Variants in NUP160 observed in about 807,000 individuals in gnomAD.
The protein encoded by NUP160 is nucleoporin 160.
Under a neutral mutation model 196.9 loss-of-function variants are expected in NUP160, and 94 were observed. That is an observed-to-expected ratio of 0.48 (90% CI 0.40 to 0.57). The LOEUF (loss-of-function observed/expected upper bound fraction) is 0.57, where lower values mean the gene tolerates loss of function less well. NUP160 is among the 20% of genes least tolerant of loss of function. NUP160 has a pLI of 0.00. For missense variants in NUP160, 1,638 were observed against 1,748.3 expected, an observed-to-expected ratio of 0.94 and a Z score of 1.13; for synonymous variants, 605 against 619.7, an observed-to-expected ratio of 0.98 and a Z score of 0.35.
chr11:47,848,523 A>C (rs1852455888), upstream of NUP160: 2 of 914,516 alleles, frequency 2.2e-6, no homozygotes, highest in Non-Finnish European at 3.2e-6. Context: ...CAGGGGAGGC[A>C]GACTCTATCT....
At chr11:47,790,008 CG>C (rs1565188297) in intron 29 of NUP160, among the ~76,000 whole-genome samples, 1 of 150,332 alleles carries the variant, frequency 6.7e-6, no homozygotes, top group Non-Finnish European at 1.5e-5. Flanking sequence ...TGCAATGGCG[CG>C]ATCTCGGCTC....
intron 7 of NUP160, among the ~76,000 whole-genome samples, chr11:47,835,174 G>C (rs1852149395): frequency 6.6e-6 from 1 of 152,138 alleles, no homozygotes; most frequent in African/African-American, 2.4e-5. Flanking sequence ...CACAATCCCA[G>C]TGTCTGCTAT....
At chr11:47,813,186 T>C (rs898804037) in intron 14 of NUP160, 130 bp downstream of exon 14, 23 of 969,442 alleles carry the variant, frequency 2.4e-5, no homozygotes, top group Middle Eastern at 2.2e-4. Flanking sequence ...TAAGTGTTCA[T>C]TAAAATATTT....
exon 25 of NUP160, chr11:47,798,254 T>C (rs536423734): frequency 6.2e-7 from 1 of 1,606,054 alleles, no homozygotes; most frequent in South Asian, 1.1e-5. Context: ...TACATGTCCT[T>C]AGAGTAGCCT....
At chr11:47,806,088 A>C in intron 20 of NUP160, 65 bp downstream of exon 20, 2 of 1,476,546 alleles carry the variant, frequency 1.4e-6, no homozygotes, top group South Asian at 2.3e-5. Flanking sequence ...TGCTGGGATT[A>C]CAGGTGTGAG....
chr11:47,820,504 T>A (rs915152477), intron 9 of NUP160, among the ~76,000 whole-genome samples: 1 of 152,098 alleles, frequency 6.6e-6, no homozygotes, highest in Non-Finnish European at 1.5e-5. Context: ...CTCAGTCTAA[T>A]AGGGTGCATC....
At chr11:47,845,704 T>C (rs957042965) in intron 2 of NUP160, among the ~76,000 whole-genome samples, 1 of 152,212 alleles carries the variant, frequency 6.6e-6, no homozygotes, top group African/African-American at 2.4e-5. Flanking sequence ...ATTTTCTTTC[T>C]TTCTTCCTGT....
At chr11:47,831,816 C>T (rs1294775535) in intron 7 of NUP160, among the ~76,000 whole-genome samples, 4 of 125,542 alleles carry the variant, frequency 3.2e-5, no homozygotes, top group African/African-American at 1.2e-4. Context: ...GTATTCCAGC[C>T]TTAGTGACAA....
At chr11:47,826,869 C>G (rs536866491) in intron 7 of NUP160, among the ~76,000 whole-genome samples, 14 of 152,128 alleles carry the variant, frequency 9.2e-5, no homozygotes, top group South Asian at 8.3e-4. Context: ...AGCCCCAAAC[C>G]CTTTGCATAA....
Position 47,780,454 on chromosome 11 carries a change from G to T in NUP160, c.4117-7C>A. 1 of 1,589,994 alleles carries T rather than the reference G, an allele frequency of 6.3e-7. No homozygotes were observed. The highest frequency in any genetic ancestry group is 1.7e-5 in the Admixed American group (1 of 59,886). ...CTGTTGCGGACAGTGGAAACTAAAA[G>T]GAAAATGTTTATTTGAAAACAGTCT... On this transcript the variant is annotated splice_region_variant and splice_polypyrimidine_tract_variant and intron_variant, in intron 34 of 35. Transcript: ENST00000378460.
chr11:47,804,691 A>AG lies in NUP160; in HGVS notation c.2607-74dup, dbSNP rs2097676448. On this transcript the variant is annotated intron_variant, in intron 20 of 35. Coordinates refer to ENST00000378460, the Ensembl canonical transcript of NUP160. Reference sequence around the variant, plus strand: ...AACATATACATTGGGCATCAAATTCAGAAAAGTCCATAAAATAGCTTAATT... The same window carrying AG: ...AACATATACATTGGGCATCAAATTCAGGAAAAGTCCATAAAATAGCTTAATT... 25 of 997,874 alleles carry AG rather than the reference A, an allele frequency of 2.5e-5. No homozygotes were observed. In the South Asian group the frequency reaches 4.4e-4, roughly 18 times the overall value. 61.8% of individuals were successfully genotyped at this position (997,874 alleles called of 1,614,324 possible). A position where few individuals can be genotyped will look rare whatever the true frequency, so the allele number is the denominator to read the frequency against.
intron 7 of NUP160, among the ~76,000 whole-genome samples, chr11:47,822,545 T>C (rs1201446506): frequency 6.6e-6 from 1 of 151,738 alleles, no homozygotes; most frequent in Non-Finnish European, 1.5e-5. Context: ...CGTGAGCCAC[T>C]GCACCCGGCC....
At chr11:47,786,479 T>C in exon 32 of NUP160, 1 of 1,613,890 alleles carries the variant, frequency 6.2e-7, no homozygotes. Flanking sequence ...TGATGACAGA[T>C]GAGAGCTGAT....
At chr11:47,783,028 G>GTT (rs754364531) in intron 34 of NUP160, 45 bp downstream of exon 34, 1 of 1,538,698 alleles carries the variant, frequency 6.5e-7, no homozygotes, top group Admixed American at 1.8e-5. Context: ...TTGAAAAATC[G>GTT]TAAGTCAAAC....
chr11:47,848,311 G>C (rs754571787), exon 1 of NUP160: 16 of 1,613,848 alleles, frequency 9.9e-6, no homozygotes, highest in Non-Finnish European at 1.4e-5. Context: ...GGCTCCCGCC[G>C]CCGCCATCTT....
At chr11:47,793,043 A>G (rs1261740404) in intron 27 of NUP160, 97 bp from the exon 28 acceptor site, 8 of 1,041,006 alleles carry the variant, frequency 7.7e-6, no homozygotes, top group Non-Finnish European at 1.1e-5. Context: ...CTGGAGTGCA[A>G]TGGCTTGATC....
chr11:47,787,131 A>C (rs1427748489), intron 31 of NUP160: 1 of 138,228 alleles, frequency 7.2e-6, no homozygotes, highest in Non-Finnish European at 1.5e-5. Flanking sequence ...TCTGTTGCCC[A>C]GGCTGGAGTG....
intron 10 of NUP160, 55 bp downstream of exon 10, chr11:47,819,319 A>T: frequency 7.3e-7 from 1 of 1,372,178 alleles, no homozygotes; most frequent in Non-Finnish European, 1.0e-6. Context: ...TCTCAAAAAA[A>T]AAAAAAAGAT....
At chr11:47,780,003 T>C (rs1285901566) in intron 35 of NUP160, among the ~76,000 whole-genome samples, 4 of 152,218 alleles carry the variant, frequency 2.6e-5, no homozygotes, top group Admixed American at 6.5e-5. Flanking sequence ...GTGCTGGGAT[T>C]ATAGGCGTGA....
Sources: gnomAD v4.1 joint callset for allele counts (sites outside exome capture counted in the v4.1 genomes callset) on GRCh38, gnomAD v4.1.1 for gene constraint, MANE v1.5 for transcripts, NCBI Gene and HGNC (gene_info 2026-07-23, HGNC 2026-07-21) for gene names.